Variants in MAPK6 observed in about 807,000 individuals in gnomAD.
The protein encoded by MAPK6 is mitogen-activated protein kinase 6.
In MAPK6, 19 loss-of-function variants were observed where a neutral mutation model predicts 59.3. That is an observed-to-expected ratio of 0.32 (90% CI 0.22 to 0.47). MAPK6 has a LOEUF of 0.47. MAPK6 is among the 20% of genes least tolerant of loss of function. The probability of loss-of-function intolerance (pLI) is 1.00; values close to 1 mark genes in which losing one functional copy is unlikely to be tolerated. For missense variants in MAPK6, 724 were observed against 847.9 expected, an observed-to-expected ratio of 0.85 and a Z score of 1.81; for synonymous variants, 316 against 290.3, an observed-to-expected ratio of 1.09 and a Z score of -0.90.
At chr15:52,027,253 GAC>G (rs1305880517) in intron 1 of MAPK6, among the ~76,000 whole-genome samples, 6 of 138,076 alleles carry the variant, frequency 4.3e-5, no homozygotes, top group Non-Finnish European at 9.1e-5. Flanking sequence ...GGGAGGCTGA[GAC>G]AGAAAAATTG....
At chr15:51,981,480 AAAAG>A (rs2057173339) in intron 1 of MAPK6, among the ~76,000 whole-genome samples, 1 of 151,592 alleles carries the variant, frequency 6.6e-6, no homozygotes, top group Non-Finnish European at 1.5e-5. Context: ...TCAAAAAAAA[AAAAG>A]AAAAAGAAAA....
intron 2 of MAPK6, among the ~76,000 whole-genome samples, chr15:52,003,615 C>T (rs773290928): frequency 2.0e-5 from 3 of 152,210 alleles, no homozygotes; most frequent in Non-Finnish European, 2.9e-5. Context: ...GCAATTGACT[C>T]TCAAATTGTT....
chr15:52,065,708 AAATT>A lies in MAPK6; in HGVS notation c.*711_*714del, dbSNP rs747364871. On this transcript the variant is annotated 3_prime_UTR_variant, in exon 6 of 6. Coordinates refer to ENST00000261845, the MANE Select transcript of MAPK6 (RefSeq NM_002748.4). ...TATATTTTCTGTATTTAATTATAAA[AAATT>A]AACTTAGTTTTTAAAATTTATTTGC... 6.0e-5 allele frequency: 9 copies of A among 149,998 alleles called. No homozygotes were observed. The highest frequency in any genetic ancestry group is 2.2e-4 in the African/African-American group (9 of 40,484). The allele number at this position is 149,998 out of a possible 1,614,324, so 9.3% of individuals were successfully genotyped here. A position where few individuals can be genotyped will look rare whatever the true frequency, so the allele number is the denominator to read the frequency against.
At chr15:51,978,668 A>C (rs917087750) in intron 1 of MAPK6, among the ~76,000 whole-genome samples, 1 of 145,894 alleles carries the variant, frequency 6.9e-6, no homozygotes, top group Non-Finnish European at 1.5e-5. Context: ...CCCCATTAAA[A>C]AAACAAAACA....
At chr15:52,030,863 C>T (rs994294117) in intron 1 of MAPK6, among the ~76,000 whole-genome samples, 2 of 150,686 alleles carry the variant, frequency 1.3e-5, no homozygotes, top group African/African-American at 4.9e-5. Flanking sequence ...GTGATCTCGG[C>T]TGACTGCAGT....
At chr15:52,050,329 A>G (rs2031736769) in intron 3 of MAPK6, among the ~76,000 whole-genome samples, 192 bp downstream of exon 3, 1 of 152,272 alleles carries the variant, frequency 6.6e-6, no homozygotes, top group African/African-American at 2.4e-5. Flanking sequence ...GTCACTTCAT[A>G]AATTATCAGA....
chr15:52,056,466 T>C (rs2031987153), intron 3 of MAPK6, among the ~76,000 whole-genome samples: 1 of 152,232 alleles, frequency 6.6e-6, no homozygotes, highest in Admixed American at 6.5e-5. Context: ...TGCTCTTAAT[T>C]CCTCTGCTTA....
At position 52,064,095 on chromosome 15, in the gene MAPK6, A is replaced by G. The variant is rs998009786; in HGVS notation, c.1261A>G (p.Thr421Ala). ...TCCTGCTTTTGATACCAATTACTCT[A>G]CTGAGCCTTGTTGGCAATACTCAGA... ...EDPAFDTNYS[T>A]EPCWQYSDHH... Residue 421 changes from threonine to alanine, a missense_variant, in exon 6 of 6, where the codon ACT becomes GCT. Coordinates refer to ENST00000261845, the MANE Select transcript of MAPK6 (RefSeq NM_002748.4). The G allele has an allele frequency of 1.9e-5, 30 of 1,612,326 alleles. No homozygotes were observed. The highest frequency in any genetic ancestry group is 2.2e-5 in the Non-Finnish European group (26 of 1,178,932).
chr15:52,009,842 G>A (rs993460862), intron 3 of MAPK6, among the ~76,000 whole-genome samples: 2 of 151,770 alleles, frequency 1.3e-5, no homozygotes, highest in African/African-American at 4.8e-5. Context: ...GTGCTATCTT[G>A]GCTCACTGCA....
At chr15:52,000,656 A>G (rs1156514484) in intron 2 of MAPK6, among the ~76,000 whole-genome samples, 2 of 152,086 alleles carry the variant, frequency 1.3e-5, no homozygotes, top group Admixed American at 1.3e-4. Context: ...AAATACAAAA[A>G]TTAGCCGGGC....
intron 5 of MAPK6, 110 bp downstream of exon 5, chr15:52,061,610 T>C: frequency 2.3e-6 from 2 of 856,886 alleles, no homozygotes; most frequent in Non-Finnish European, 3.5e-6. Flanking sequence ...CTTAAAAATT[T>C]AGTAATGTAA....
At chr15:51,983,657 A>T (rs927451871) in intron 2 of MAPK6, among the ~76,000 whole-genome samples, 2 of 152,058 alleles carry the variant, frequency 1.3e-5, no homozygotes, top group African/African-American at 4.8e-5. Context: ...AAAAAAATTT[A>T]AAAATTAGCT....
intron 3 of MAPK6, among the ~76,000 whole-genome samples, chr15:52,053,624 TTGGTTGATTGATTGATTGATTGATTGA>T (rs1166231977): frequency 4.7e-5 from 6 of 128,864 alleles, no homozygotes; most frequent in East Asian, 2.4e-4. Context: ...GATTGATTGA[TTGGTTGATTGATTGATTGATTGATTGA>T]TTTTTTAAGA....
intron 2 of MAPK6, 92 bp downstream of exon 2, chr15:52,047,107 A>G (rs2141088108): frequency 2.1e-6 from 2 of 939,768 alleles, no homozygotes; most frequent in East Asian, 2.7e-5. Flanking sequence ...TTGTGGCAGA[A>G]TTTTTAATCT....
chr15:52,047,671 AGTG>A (rs2031638385), intron 2 of MAPK6, among the ~76,000 whole-genome samples: 4 of 130,924 alleles, frequency 3.1e-5, no homozygotes, highest in African/African-American at 1.2e-4. Context: ...TTAAGTTTTT[AGTG>A]ACAAGATCTT....
At chr15:51,986,327 A>G (rs2057191102) in intron 2 of MAPK6, among the ~76,000 whole-genome samples, 1 of 152,146 alleles carries the variant, frequency 6.6e-6, no homozygotes, top group Non-Finnish European at 1.5e-5. Flanking sequence ...GGGGACACAG[A>G]ACCAAACCAT....
rs145285472 is a variant in MAPK6 at position 51,987,972 on chromosome 15, G to A, written c.-770+4657G>A. On this transcript the variant is annotated intron_variant, in intron 2 of 7. Coordinates refer to the MAPK6 transcript ENST00000691380. Reference sequence around the variant, plus strand: ...GTAGAGACAGAGTTTCCTCATGTTGGCCAGGCTGTTCTTGAACTCCTGACC... The same window carrying A: ...GTAGAGACAGAGTTTCCTCATGTTGACCAGGCTGTTCTTGAACTCCTGACC... Among the ~76,000 whole-genome samples, 64 of 152,052 alleles carry A rather than the reference G, an allele frequency of 4.2e-4. No individual in the cohort carries two copies. The East Asian group carries it at 0.012, about 29-fold the overall frequency.
intron 1 of MAPK6, among the ~76,000 whole-genome samples, chr15:52,038,525 A>G (rs1224364681): frequency 6.6e-6 from 1 of 152,202 alleles, no homozygotes; most frequent in Admixed American, 6.5e-5. Context: ...AGCTTGGCTG[A>G]CAGCTACGTT....
At chr15:52,001,361 A>G (rs2057241375) in intron 2 of MAPK6, among the ~76,000 whole-genome samples, 2 of 152,132 alleles carry the variant, frequency 1.3e-5, no homozygotes, top group South Asian at 4.1e-4. Flanking sequence ...AGACACCCAT[A>G]GATATACATG....
Sources: allele counts gnomAD v4.1 joint callset (sites outside exome capture counted in the v4.1 genomes callset), GRCh38; gene constraint gnomAD v4.1.1; transcripts MANE v1.5; gene names NCBI Gene and HGNC (gene_info 2026-07-23, HGNC 2026-07-21).